The following ANKRD36 variants were observed in gnomAD, a reference collection of about 807,000 sequenced individuals.
The protein encoded by ANKRD36 is ankyrin repeat domain-containing protein 36A.
In ANKRD36, 179 loss-of-function variants were observed where a neutral mutation model predicts 278.1. The observed-to-expected ratio is 0.64, with a 90% CI of 0.57 to 0.73. The LOEUF is 0.73. ANKRD36 is among the 30% of genes least tolerant of loss of function. The probability of loss-of-function intolerance (pLI) is 0.00; values close to 1 mark genes in which losing one functional copy is unlikely to be tolerated. For synonymous variants in ANKRD36, 320 were observed against 641.1 expected, an observed-to-expected ratio of 0.50 and a Z score of 7.57; for missense variants, 1,159 against 1,956.7, an observed-to-expected ratio of 0.59 and a Z score of 7.69.
At chr2:97,188,308 T>A (rs1458008653) in intron 32 of ANKRD36, among the ~76,000 whole-genome samples, 5 of 151,390 alleles carry the variant, frequency 3.3e-5, no homozygotes, top group Admixed American at 1.3e-4. Flanking sequence ...AATATTGCAG[T>A]GATTTCTGAA....
chr2:97,125,288 TTGCACATACTTATA>T (rs534016131), intron 5 of ANKRD36, among the ~76,000 whole-genome samples: 72 of 151,270 alleles, frequency 4.8e-4, no homozygotes, highest in African/African-American at 1.7e-3. Flanking sequence ...TTTAGTTCAG[TTGCACATACTTATA>T]TGCTCAGCCA....
chr2:97,158,121 A>G lies in ANKRD36; in HGVS notation c.1275A>G (p.Pro425=), dbSNP rs2047938289. The part of the protein sequence containing the change: ...FALESENISE[P]YFTNRRTISQ... The stretch of plus-strand genomic sequence containing the variant: ...GTGTCTTCTAGAATATTTCAGAACC[A>G]TACTTTACGAACAGAAGGACTATTT... The change falls in exon 16 of 76, where the codon CCA becomes CCG. Residue 425 remains proline (P), a synonymous_variant. Coordinates refer to ENST00000420699, the MANE Select transcript of ANKRD36 (RefSeq NM_001354587.1). 1 of 1,513,602 alleles carries G rather than the reference A, an allele frequency of 6.6e-7. No homozygotes were observed. The allele number at this position is 1,513,602 out of a possible 1,614,324, so 93.8% of individuals were successfully genotyped here. A position where few individuals can be genotyped will look rare whatever the true frequency, so the allele number is the denominator to read the frequency against.
chr2:97,211,750 G>A lies in ANKRD36; in HGVS notation c.3469+9G>A, dbSNP rs1358031046. On this transcript the variant is annotated intron_variant, in intron 58 of 75. Coordinates refer to ENST00000420699, the MANE Select transcript of ANKRD36 (RefSeq NM_001354587.1). Reference sequence around the variant, plus strand: ...ACAAATATCTGGGACAGGTAATTTTGCAAACACATTTAATATGATGTTCGG... The same window carrying A: ...ACAAATATCTGGGACAGGTAATTTTACAAACACATTTAATATGATGTTCGG... 2 of 1,570,668 alleles carry A rather than the reference G, an allele frequency of 1.3e-6. No individual in the cohort carries two copies. The highest frequency in any genetic ancestry group is 1.4e-5 in the African/African-American group (1 of 73,872).
Position 97,182,669 on chromosome 2 carries a change from AT to A in ANKRD36, c.1838-788del, listed in dbSNP as rs1312963390. Among the ~76,000 whole-genome samples the A allele has an allele frequency of 2.0e-5, 3 of 151,240 alleles. No homozygotes were observed. In the Admixed American group the frequency reaches 2.0e-4, roughly 10 times the overall value. The stretch of plus-strand genomic sequence containing the variant: ...TTTAAAATTCTTATTTTCAATGAAT[AT>A]TGGAGGGATTTCCAAATGTCAAAGG... On this transcript the variant is annotated intron_variant, in intron 26 of 75. Transcript: ENST00000420699.
At chr2:97,138,077 A>G (rs1259934192) in intron 6 of ANKRD36, among the ~76,000 whole-genome samples, 2 of 151,956 alleles carry the variant, frequency 1.3e-5, no homozygotes, top group Non-Finnish European at 2.9e-5. Flanking sequence ...TGATCATAGT[A>G]TTGGAAGTTC....
chr2:97,205,798 G>A, intron 50 of ANKRD36, 142 bp from the exon 51 acceptor site: 1 of 1,221,034 alleles, frequency 8.2e-7, no homozygotes, highest in Non-Finnish European at 1.2e-6. Flanking sequence ...TCATTTTCTA[G>A]TCCCCAGACA....
intron 68 of ANKRD36, among the ~76,000 whole-genome samples, 168 bp from the exon 69 acceptor site, chr2:97,241,098 G>T (rs1222330968): frequency 3.0e-3 from 350 of 116,142 alleles, no homozygotes; most frequent in African/African-American, 0.011. Context: ...AATAGCAGAG[G>T]TGTTGTCTTA....
intron 12 of ANKRD36, among the ~76,000 whole-genome samples, chr2:97,150,719 G>T: frequency 6.6e-6 from 1 of 152,138 alleles, no homozygotes; most frequent in Non-Finnish European, 1.5e-5. Flanking sequence ...TCTTCCAACT[G>T]GAAGCTTAGA....
At position 97,261,335 on chromosome 2, in the gene ANKRD36, A is replaced by G. The variant is rs1327105446; in HGVS notation, c.*7-2994A>G. ...GATGGAACCATAGTTTGACACTACC[A>G]GTCTTATGTCGGGTTCAACCCAGTA... On this transcript the variant is annotated intron_variant, in intron 75 of 75. Coordinates refer to ENST00000420699, the MANE Select transcript of ANKRD36 (RefSeq NM_001354587.1). 1.2e-4 allele frequency among the ~76,000 whole-genome samples: 16 copies of G among 130,114 alleles called. 6 individuals carry two copies. The East Asian group carries it at 5.6e-3, about 45-fold the overall frequency. 85.4% of individuals were successfully genotyped at this position (130,114 alleles called of 152,430 possible). A position where few individuals can be genotyped will look rare whatever the true frequency, so the allele number is the denominator to read the frequency against.
At chr2:97,179,996 C>A in intron 24 of ANKRD36, 63 bp downstream of exon 24, 2 of 1,594,950 alleles carry the variant, frequency 1.3e-6, no homozygotes, top group Non-Finnish European at 8.5e-7. Flanking sequence ...TTCCCTTACC[C>A]AAATAAATCA....
At chr2:97,167,950 A>ACG (rs1255685813) in intron 22 of ANKRD36, among the ~76,000 whole-genome samples, 183 bp downstream of exon 22, 8 of 151,848 alleles carry the variant, frequency 5.3e-5, no homozygotes, top group African/African-American at 1.9e-4. Flanking sequence ...AGGAAAAGAA[A>ACG]TTTTAAAAAT....
chr2:97,131,205 T>G (rs1400888683), intron 6 of ANKRD36, among the ~76,000 whole-genome samples: 2 of 151,846 alleles, frequency 1.3e-5, no homozygotes, highest in Non-Finnish European at 2.9e-5. Context: ...TTTTTTTTTT[T>G]TTGAGATTGA....
At chr2:97,171,372 T>TA (rs993084066) in intron 22 of ANKRD36, among the ~76,000 whole-genome samples, 2 of 146,134 alleles carry the variant, frequency 1.4e-5, no homozygotes, top group African/African-American at 2.5e-5. Flanking sequence ...TATGCAGCCA[T>TA]AAAAAATGAT....
At chr2:97,128,676 A>T (rs1297249120) in intron 6 of ANKRD36, among the ~76,000 whole-genome samples, 7 of 152,056 alleles carry the variant, frequency 4.6e-5, no homozygotes, top group African/African-American at 1.7e-4. Context: ...ATGTGCCCAC[A>T]CTTTTACAGA....
intron 6 of ANKRD36, among the ~76,000 whole-genome samples, chr2:97,133,950 T>C (rs2040836047): frequency 6.6e-6 from 1 of 152,110 alleles, no homozygotes; most frequent in Admixed American, 6.6e-5. Context: ...GTCCATAGTT[T>C]ATATTTAAGT....
chr2:97,220,755 A>ATTT (rs2067293260), intron 66 of ANKRD36, among the ~76,000 whole-genome samples: 16 of 66,864 alleles, frequency 2.4e-4, no homozygotes, highest in African/African-American at 7.7e-4. Flanking sequence ...TTTAATTTTT[A>ATTT]ATTTTCTTTT....
At chr2:97,140,741 T>C (rs2042697405) in intron 6 of ANKRD36, among the ~76,000 whole-genome samples, 2 of 152,024 alleles carry the variant, frequency 1.3e-5, no homozygotes, top group African/African-American at 4.8e-5. Context: ...ATTGTACGAA[T>C]GTCACATACA....
At position 97,211,402 on chromosome 2, in the gene ANKRD36, T is replaced by C. The variant is rs2064540890; in HGVS notation, c.3368-144T>C. 4.5e-6 allele frequency: 6 copies of C among 1,320,508 alleles called. No homozygotes were observed. The East Asian group carries it at 8.1e-5, about 18-fold the overall frequency. The allele number at this position is 1,320,508 out of a possible 1,614,324, so 81.8% of individuals were successfully genotyped here. A position where few individuals can be genotyped will look rare whatever the true frequency, so the allele number is the denominator to read the frequency against. ...TTTTCAGTGTATTTCTGTCATGTTC[T>C]GGTCCCCAGACACAAAGTAGAAGCC... On this transcript the variant is annotated intron_variant, in intron 56 of 75. Transcript: ENST00000420699.
At chr2:97,262,853 G>T (rs1481355374) in intron 75 of ANKRD36, among the ~76,000 whole-genome samples, 9 of 142,424 alleles carry the variant, frequency 6.3e-5, no homozygotes. Context: ...AAAGCCTTCT[G>T]GGTCCCTGAC....
Sources: gnomAD v4.1 joint callset for allele counts (sites outside exome capture counted in the v4.1 genomes callset) on GRCh38, gnomAD v4.1.1 for gene constraint, MANE v1.5 for transcripts, NCBI Gene and HGNC (gene_info 2026-07-23, HGNC 2026-07-21) for gene names.